CALN1: variants seen among roughly 807,000 people sequenced by gnomAD.
The protein encoded by CALN1 is calneuron 1, also known as calcium-binding protein 8.
In CALN1, 17 loss-of-function variants were observed where a neutral mutation model predicts 30.6. That is an observed-to-expected ratio of 0.56 (90% CI 0.38 to 0.83). The LOEUF is 0.83. CALN1 is among the 40% of genes least tolerant of loss of function. The pLI is 0.00. For missense variants in CALN1, 291 were observed against 354.9 expected, an observed-to-expected ratio of 0.82 and a Z score of 1.45; for synonymous variants, 156 against 131.4, an observed-to-expected ratio of 1.19 and a Z score of -1.28.
Position 72,231,283 on chromosome 7 carries a change from C to A in CALN1, c.244+47403G>T, listed in dbSNP as rs184583255. ...TATTTTTCCTAATGCTCTCCCTCCCCCAACGCCCCTGTCCAACAGGCCCCA... is the reference window on the plus strand; with the variant it reads ...TATTTTTCCTAATGCTCTCCCTCCCACAACGCCCCTGTCCAACAGGCCCCA... On this transcript the variant is annotated intron_variant, in intron 3 of 6. Coordinates refer to ENST00000395275, the MANE Select transcript of CALN1 (RefSeq NM_031468.4). Among the ~76,000 whole-genome samples the A allele has an allele frequency of 3.3e-5, 5 of 152,176 alleles. No homozygotes were observed. The South Asian group carries it at 6.2e-4, about 19-fold the overall frequency.
Position 71,834,498 on chromosome 7 carries a change from G to A in CALN1, c.502-24006C>T, listed in dbSNP as rs533412756. 2.0e-5 allele frequency among the ~76,000 whole-genome samples: 3 copies of A among 152,202 alleles called. No individual in the cohort carries two copies. In the South Asian group the frequency reaches 6.2e-4, roughly 32 times the overall value. The stretch of plus-strand genomic sequence containing the variant: ...TCCCTTTCATGCTGTACAAATATTA[G>A]CATCAATTGTTAAAAACATTGGGAA... On this transcript the variant is annotated intron_variant, in intron 5 of 6. Transcript: ENST00000395275.
chr7:72,406,340 A>T (rs1419330208), intron 1 of CALN1, among the ~76,000 whole-genome samples: 1 of 152,122 alleles, frequency 6.6e-6, no homozygotes, highest in Non-Finnish European at 1.5e-5. Context: ...TCCAAGACAC[A>T]GGCACCTCCT....
chr7:72,184,349 T>C (rs1207838340), intron 3 of CALN1, among the ~76,000 whole-genome samples: 3 of 152,200 alleles, frequency 2.0e-5, no homozygotes, highest in Admixed American at 2.0e-4. Flanking sequence ...AGTTTCCCCA[T>C]CTTTAAATGC....
At chr7:72,202,584 G>C (rs1791521213) in intron 3 of CALN1, among the ~76,000 whole-genome samples, 1 of 152,144 alleles carries the variant, frequency 6.6e-6, no homozygotes, top group African/African-American at 2.4e-5. Flanking sequence ...CTCTGTGATA[G>C]AAAGTTCAGG....
intron 4 of CALN1, among the ~76,000 whole-genome samples, chr7:72,094,403 C>T (rs1391932578): frequency 6.6e-6 from 1 of 152,024 alleles, no homozygotes; most frequent in Non-Finnish European, 1.5e-5. Context: ...TACAGGCGCA[C>T]ACCACAACAC....
At chr7:72,410,414 T>C (rs959423815) in intron 1 of CALN1, among the ~76,000 whole-genome samples, 1 of 152,246 alleles carries the variant, frequency 6.6e-6, no homozygotes, top group Non-Finnish European at 1.5e-5. Context: ...CCTTGAAAGA[T>C]GCAAAAGCGA....
intron 1 of CALN1, among the ~76,000 whole-genome samples, chr7:72,431,337 T>C (rs1807970318): frequency 6.6e-6 from 1 of 152,158 alleles, no homozygotes; most frequent in Non-Finnish European, 1.5e-5. Context: ...ACAAAAAAAC[T>C]GAGGGTTTGG....
chr7:71,944,450 C>T (rs189479332), intron 5 of CALN1, among the ~76,000 whole-genome samples: 126 of 151,528 alleles, frequency 8.3e-4, no homozygotes, highest in African/African-American at 2.1e-3. Context: ...CAAAATTAGC[C>T]GGGCATGGTG....
intron 2 of CALN1, among the ~76,000 whole-genome samples, chr7:72,299,246 T>C (rs1264952751): frequency 6.6e-6 from 1 of 152,098 alleles, no homozygotes; most frequent in Non-Finnish European, 1.5e-5. Flanking sequence ...GCCCTCCCCT[T>C]TGAAAATCAG....
intron 2 of CALN1, among the ~76,000 whole-genome samples, chr7:72,373,458 G>A (rs956406237): frequency 7.2e-5 from 11 of 152,130 alleles, no homozygotes; most frequent in African/African-American, 2.7e-4. Flanking sequence ...TCAGTCAATA[G>A]AAACCATACT....
At chr7:72,413,488 A>C (rs1190815582), upstream of CALN1, among the ~76,000 whole-genome samples, 1 of 151,900 alleles carries the variant, frequency 6.6e-6, no homozygotes, top group Non-Finnish European at 1.5e-5. Context: ...ACACATGCTC[A>C]CATAAGGACA....
intron 5 of CALN1, among the ~76,000 whole-genome samples, chr7:71,958,789 TCAGGCAGAAAGG>T (rs1797096825): frequency 1.3e-5 from 2 of 152,242 alleles, no homozygotes; most frequent in East Asian, 3.9e-4. Context: ...TTGTTCAAAA[TCAGGCAGAAAGG>T]CAGCTCCTCC....
chr7:72,013,365 C>T (rs973843353), intron 5 of CALN1, among the ~76,000 whole-genome samples: 1 of 149,668 alleles, frequency 6.7e-6, no homozygotes. Flanking sequence ...GATCCTCCTG[C>T]CTCAACCTCC....
At chr7:72,254,606 A>C (rs1795790113) in intron 3 of CALN1, among the ~76,000 whole-genome samples, 1 of 152,180 alleles carries the variant, frequency 6.6e-6, no homozygotes, top group Non-Finnish European at 1.5e-5. Context: ...TCAGAGGCTC[A>C]GAGGGCACTT....
intron 5 of CALN1, among the ~76,000 whole-genome samples, chr7:71,827,953 C>T (rs998148034): frequency 1.3e-5 from 2 of 152,002 alleles, no homozygotes; most frequent in Non-Finnish European, 2.9e-5. Context: ...GAGGCTAGAA[C>T]GTGCTCTGTG....
chr7:72,392,129 G>A (rs1490874176), intron 2 of CALN1, among the ~76,000 whole-genome samples: 1 of 152,142 alleles, frequency 6.6e-6, no homozygotes, highest in Non-Finnish European at 1.5e-5. Context: ...CAGAACACAA[G>A]CCACATGGCA....
intron 2 of CALN1, chr7:72,336,658 G>A (rs954158037): frequency 2.4e-5 from 24 of 980,838 alleles, no homozygotes; most frequent in South Asian, 4.7e-5. Context: ...AAGAAGAAAA[G>A]AGAGCGCGCG....
At chr7:72,240,607 T>C (rs1389707568) in intron 3 of CALN1, among the ~76,000 whole-genome samples, 1 of 152,208 alleles carries the variant, frequency 6.6e-6, no homozygotes, top group Non-Finnish European at 1.5e-5. Context: ...CTCCACATGA[T>C]TTGACTCTAA....
intron 3 of CALN1, among the ~76,000 whole-genome samples, chr7:72,174,771 G>T (rs1321935028): frequency 1.3e-5 from 2 of 152,144 alleles, no homozygotes; most frequent in African/African-American, 2.4e-5. Context: ...GGAAGGAATT[G>T]CAAGGACCAT....
Sources: gnomAD v4.1 joint callset for allele counts (sites outside exome capture counted in the v4.1 genomes callset) on GRCh38, gnomAD v4.1.1 for gene constraint, MANE v1.5 for transcripts, NCBI Gene and HGNC (gene_info 2026-07-23, HGNC 2026-07-21) for gene names.